ZNF717: variants seen among roughly 807,000 people sequenced by gnomAD.
ZNF717 encodes the protein krueppel-like factor X17.
ZNF717 carries 9 observed loss-of-function variants against 13.8 expected under a neutral mutation model. The observed-to-expected ratio is 0.65, with a 90% confidence interval of 0.39 to 1.14. ZNF717 has a LOEUF of 1.14. Ranked by LOEUF, ZNF717 falls within the 50% of genes most tolerant of loss-of-function variation. ZNF717 has a pLI of 0.01. For synonymous variants in ZNF717, 327 were observed against 364.1 expected (o/e 0.90, Z 1.16); for missense variants, 1,040 against 1,080.7 (o/e 0.96, Z 0.53).
chr3:75,784,205 G>A (rs1274070792), intron 1 of ZNF717, among the ~76,000 whole-genome samples: 2 of 152,106 alleles, frequency 1.3e-5, no homozygotes, highest in Non-Finnish European at 2.9e-5. Flanking sequence ...CCTCTTTTGT[G>A]ATCCAGGCAA....
intron 2 of ZNF717, among the ~76,000 whole-genome samples, chr3:75,772,209 G>A (rs1943951482): frequency 8.0e-6 from 1 of 125,612 alleles, no homozygotes; most frequent in Admixed American, 8.4e-5. Context: ...GCTACCCCCT[G>A]CAGGTCTCCT....
At position 75,774,350 on chromosome 3, in the gene ZNF717, G is replaced by A. The variant is rs112612962; in HGVS notation, c.57+8956C>T. On this transcript the variant is annotated intron_variant, in intron 2 of 4. Coordinates refer to ENST00000652011, the MANE Select transcript of ZNF717 (RefSeq NM_001290208.3). ...CTGGAATTCTATTTCATAACATCAA[G>A]TGTTTAAACCTTTAATATATTTAAT... is the stretch of plus-strand genomic sequence containing the variant. 9.5e-3 allele frequency among the ~76,000 whole-genome samples: 1,447 copies of A among 152,128 alleles called. 17 individuals carry two copies. The highest frequency in any genetic ancestry group is 0.034 in the African/African-American group (1,401 of 41,510).
At chr3:75,727,154 GTCA>G (rs1938299910), downstream of ZNF717, among the ~76,000 whole-genome samples, 1 of 152,210 alleles carries the variant, frequency 6.6e-6, no homozygotes, top group Non-Finnish European at 1.5e-5. Flanking sequence ...TCCTAATCCC[GTCA>G]TCTTCATAAG....
At chr3:75,773,767 T>C (rs1308309547) in intron 2 of ZNF717, among the ~76,000 whole-genome samples, 1 of 151,448 alleles carries the variant, frequency 6.6e-6, no homozygotes, top group Non-Finnish European at 1.5e-5. Flanking sequence ...CAAAAAAAAA[T>C]GGCCAGGCGC....
In ZNF717 at chr3:75,738,286, G is replaced by A. The variant is rs2107092661; in HGVS notation, c.1337C>T (p.Thr446Ile). 1 of 1,552,492 alleles carries A rather than the reference G, an allele frequency of 6.4e-7. No homozygotes were observed. The highest frequency in any genetic ancestry group is 2.4e-5 in the East Asian group (1 of 40,936). ...SRLTVHQRTH[T>I]GEKPYECNEC... ...ATTACATTCATACGGTTTTTCCCCT[G>A]TGTGTGTTCTCTGATGGACAGTAAG... Residue 446 changes from threonine to isoleucine, a missense_variant, in exon 5 of 5, where the codon ACA becomes ATA. Coordinates refer to ENST00000652011, the MANE Select transcript of ZNF717 (RefSeq NM_001290208.3).
exon 6 of ZNF717, chr3:75,710,864 C>A (rs1937916715): frequency 6.6e-6 from 1 of 152,106 alleles, no homozygotes; most frequent in Non-Finnish European, 1.5e-5. Context: ...AATCTACTAA[C>A]AGAGGCATTA....
At chr3:75,700,662 A>G (rs1228893323) in intron 6 of ZNF717, among the ~76,000 whole-genome samples, 1 of 152,310 alleles carries the variant, frequency 6.6e-6, no homozygotes, top group Non-Finnish European at 1.5e-5. Context: ...ACTTTCAACA[A>G]AAGTGCCAAG....
chr3:75,738,588 A>T lies in ZNF717; in HGVS notation c.1035T>A (p.Gly345=), dbSNP rs1962894. ...GEKPYGCNEC[G]KTFRRKSFLT... ...GGAATGACTTACGGCGAAAGGTTTT[A>T]CCACATTCATTGCATCCATAGGGCT... Residue 345 remains glycine, a synonymous_variant, in exon 5 of 5, where the codon GGT becomes GGA. Coordinates refer to ENST00000652011, the MANE Select transcript of ZNF717 (RefSeq NM_001290208.3). 1,296,150 of 1,529,914 alleles carry T rather than the reference A, an allele frequency of 0.85. 537,451 individuals carry two copies. The highest frequency in any genetic ancestry group is 0.91 in the Middle Eastern group (5,453 of 5,964). The allele number at this position is 1,529,914 out of a possible 1,614,324, so 94.8% of individuals were successfully genotyped here.
At chr3:75,745,268 C>T (rs1350638754) in intron 2 of ZNF717, among the ~76,000 whole-genome samples, 1 of 151,316 alleles carries the variant, frequency 6.6e-6, no homozygotes, top group Non-Finnish European at 1.5e-5. Context: ...AACATTCAGA[C>T]CAATGCAGTA....
chr3:75,715,660 T>C (rs1337193166), intron 5 of ZNF717, among the ~76,000 whole-genome samples: 21 of 152,266 alleles, frequency 1.4e-4, no homozygotes, highest in African/African-American at 4.8e-4. Context: ...CTTGATATCA[T>C]GAAGCTGTTG....
intron 2 of ZNF717, among the ~76,000 whole-genome samples, chr3:75,743,718 C>A (rs1940762675): frequency 6.6e-6 from 1 of 152,238 alleles, no homozygotes; most frequent in Non-Finnish European, 1.5e-5. Context: ...AATGTAGAAA[C>A]AGGATTTGGT....
intron 2 of ZNF717, among the ~76,000 whole-genome samples, chr3:75,779,330 G>C (rs747679790): frequency 2.0e-5 from 3 of 148,044 alleles, no homozygotes; most frequent in African/African-American, 5.0e-5. Context: ...TGGGAGTGAC[G>C]TGCTAAAACT....
At chr3:75,758,834 T>C (rs905994050) in intron 2 of ZNF717, among the ~76,000 whole-genome samples, 38 of 146,032 alleles carry the variant, frequency 2.6e-4, no homozygotes, top group Non-Finnish European at 4.5e-4. Context: ...CAAAACACCA[T>C]CTCTACAAAA....
At chr3:75,776,676 C>T (rs1944351507) in intron 2 of ZNF717, among the ~76,000 whole-genome samples, 1 of 152,190 alleles carries the variant, frequency 6.6e-6, no homozygotes, top group East Asian at 1.9e-4. Flanking sequence ...AGGGTCCCTC[C>T]ACACTCAGAA....
downstream of ZNF717, among the ~76,000 whole-genome samples, chr3:75,725,607 G>A (rs1171153422): frequency 1.3e-5 from 2 of 152,226 alleles, no homozygotes; most frequent in African/African-American, 4.8e-5. Flanking sequence ...AGAAAAATAA[G>A]TTTAATGGAC....
At chr3:75,750,643 T>C (rs1157721030) in intron 2 of ZNF717, among the ~76,000 whole-genome samples, 3 of 151,400 alleles carry the variant, frequency 2.0e-5, no homozygotes, top group Admixed American at 2.0e-4. Context: ...AGTCTGAGTG[T>C]TTGTCCCTCA....
chr3:75,716,255 C>T (rs1159048116), intron 5 of ZNF717, among the ~76,000 whole-genome samples: 1 of 151,560 alleles, frequency 6.6e-6, no homozygotes, highest in East Asian at 1.9e-4. Flanking sequence ...AGATTGTTCA[C>T]AAAAATTTTA....
At chr3:75,709,687 G>C (rs1404659121) in exon 6 of ZNF717, 16 of 152,142 alleles carry the variant, frequency 1.1e-4, no homozygotes, top group African/African-American at 3.9e-4. Context: ...AATTTTTGTA[G>C]AATCTTTTTC....
downstream of ZNF717, among the ~76,000 whole-genome samples, chr3:75,731,891 G>GT (rs1938590046): frequency 6.6e-6 from 1 of 152,280 alleles, no homozygotes; most frequent in African/African-American, 2.4e-5. Flanking sequence ...GGAATTTATG[G>GT]CTTACAGGAA....
Sources: gnomAD v4.1 joint callset for allele counts (sites outside exome capture counted in the v4.1 genomes callset) on GRCh38, gnomAD v4.1.1 for gene constraint, MANE v1.5 for transcripts, NCBI Gene and HGNC (gene_info 2026-07-23, HGNC 2026-07-21) for gene names.